CCDC180: variants seen among roughly 807,000 people sequenced by gnomAD.
CCDC180 encodes the protein coiled-coil domain containing 180.
CCDC180 carries 154 observed loss-of-function variants against 209.2 expected under a neutral mutation model. The ratio of observed to expected loss-of-function variants is 0.74; its 90% CI spans 0.65 to 0.84. The LOEUF (loss-of-function observed/expected upper bound fraction) is 0.84, where lower values mean the gene tolerates loss of function less well. Among genes scored for constraint, CCDC180 ranks in the 40% least tolerant of loss-of-function variants. The pLI is 0.00. For synonymous variants in CCDC180, 778 were observed against 749.1 expected, an observed-to-expected ratio of 1.04 and a Z score of -0.63; for missense variants, 1,874 against 1,997.3, an observed-to-expected ratio of 0.94 and a Z score of 1.18.
intron 34 of CCDC180, chr9:97,373,466 C>T (rs897768374): frequency 1.3e-5 from 2 of 152,222 alleles, no homozygotes; most frequent in African/African-American, 4.8e-5. Flanking sequence ...CAGGCCTTTC[C>T]CTTTGGGCAC....
chr9:97,375,933 G>C (rs73563893), intron 36 of CCDC180: 1 of 279,030 alleles, frequency 3.6e-6, no homozygotes, highest in Non-Finnish European at 6.8e-6. Flanking sequence ...GCTCAGGGGG[G>C]ACACAGCAGC....
chr9:97,320,128 A>T lies in CCDC180; in HGVS notation c.1082A>T (p.Asp361Val). Residue 361 changes from aspartate (D) to valine (V), a missense_variant and splice_region_variant, in exon 11 of 37, where the codon GAC (aspartate) becomes GTC (valine). Physicochemically the swap from Asp to Val is radical, Grantham distance 152 (BLOSUM62 -3). Transcript: ENST00000529487. ...RRLKHLCTIC[D>V]LLPPSYSKTQ... ...ACTTGCTGTATCTTCCTTCCCAGTG[A>T]CCTCCTGCCCCCCAGTTACAGCAAA... 6.2e-7 allele frequency: 1 copy of T among 1,613,686 alleles called. No individual in the cohort carries two copies. The highest frequency in any genetic ancestry group is 8.5e-7 in the Non-Finnish European group (1 of 1,179,852).
chr9:97,362,675 G>A (rs116571007), intron 28 of CCDC180, among the ~76,000 whole-genome samples: 321 of 152,278 alleles, frequency 2.1e-3, no homozygotes, highest in African/African-American at 7.3e-3. Context: ...TTAGAAAGAC[G>A]GGGCAGATGG....
At chr9:97,337,919 CTA>C (rs1825959353) in intron 18 of CCDC180, among the ~76,000 whole-genome samples, 1 of 152,190 alleles carries the variant, frequency 6.6e-6, no homozygotes, top group Non-Finnish European at 1.5e-5. Context: ...AGGAATTTAT[CTA>C]TTTCTTCTAG....
chr9:97,357,697 C>G lies in CCDC180; in HGVS notation c.3335C>G (p.Thr1112Ser). ...CAACAGCTTCAGAACAAGATAAAAA[C>G]TTGTCAAGAGTCCAGGGGAGAGAAA... is the stretch of plus-strand genomic sequence containing the variant. ...SLQQLQNKIK[T>S]CQESRGEKTT... The change falls in exon 25 of 37, where the codon ACT (threonine) becomes AGT (serine). Residue 1112 changes from threonine (T) to serine (S), a missense_variant. Transcript: ENST00000529487. 1.2e-6 allele frequency: 2 copies of G among 1,613,188 alleles called. No homozygotes were observed. Among genetic ancestry groups the G allele is most frequent in the African/African-American group, 1.3e-5 (1 of 74,992 alleles).
chr9:97,360,734 C>T (rs1826727563), intron 26 of CCDC180, among the ~76,000 whole-genome samples: 1 of 152,162 alleles, frequency 6.6e-6, no homozygotes. Context: ...GTCTCCCGGC[C>T]CATAGCACCT....
intron 8 of CCDC180, among the ~76,000 whole-genome samples, chr9:97,315,663 G>A (rs1833146076): frequency 6.6e-6 from 1 of 152,210 alleles, no homozygotes; most frequent in Non-Finnish European, 1.5e-5. Context: ...GCTGGAAAAG[G>A]GGCCTCCTGG....
chr9:97,307,340 T>A, upstream of CCDC180: 1 of 474,516 alleles, frequency 2.1e-6, no homozygotes, highest in Non-Finnish European at 4.2e-6. Context: ...CAGCTGCAGT[T>A]GTCGCTGGAC....
chr9:97,356,960 GC>G lies in CCDC180; in HGVS notation c.3265-666del, dbSNP rs1457408050. Among the ~76,000 whole-genome samples the G allele has an allele frequency of 2.0e-5, 3 of 152,328 alleles. No homozygotes were observed. In the East Asian group the frequency reaches 5.8e-4, roughly 29 times the overall value. ...TTTGCTATTTATACCAGTTTTATAA[GC>G]TGTATAATCTTTAAATATTCTGCAA... On this transcript the variant is annotated intron_variant, in intron 24 of 36. Transcript: ENST00000529487.
intron 18 of CCDC180, among the ~76,000 whole-genome samples, chr9:97,342,693 CCTT>C (rs1443947177): frequency 6.6e-6 from 1 of 152,198 alleles, no homozygotes; most frequent in Non-Finnish European, 1.5e-5. Flanking sequence ...GGTTCTCTCT[CCTT>C]CTCAATTCCT....
chr9:97,367,468 T>A lies in CCDC180; in HGVS notation c.4189+768T>A, dbSNP rs563607533. Among the ~76,000 whole-genome samples, 40 of 147,902 alleles carry A rather than the reference T, an allele frequency of 2.7e-4. 1 individual carries two copies. Among genetic ancestry groups the A allele is most frequent in the Admixed American group, 2.0e-3 (30 of 14,866 alleles). On this transcript the variant is annotated intron_variant, in intron 31 of 36. Coordinates refer to ENST00000529487, the MANE Select transcript of CCDC180 (RefSeq NM_020893.6). ...ACCTCTCTGAGCCTCAGTTTTCTAT[T>A]TTTTTTTTTTTTTTCTGAGACAGAG...
At chr9:97,337,432 T>C (rs1825942307) in intron 18 of CCDC180, among the ~76,000 whole-genome samples, 1 of 152,230 alleles carries the variant, frequency 6.6e-6, no homozygotes, top group South Asian at 2.1e-4. Context: ...ATGTGGGTTT[T>C]GTCTTTGGTT....
rs1405835206 is a variant in CCDC180 at position 97,323,777 on chromosome 9, C to A, written c.1249-4C>A. On this transcript the variant is annotated splice_polypyrimidine_tract_variant and splice_region_variant and intron_variant, in intron 12 of 36. Transcript: ENST00000529487. Reference sequence around the variant, plus strand: ...CAGGCTCTGCCTTGTCCCACACACTCCAGAAGCAGCTGCTGGACTGGAAAG... The same window carrying A: ...CAGGCTCTGCCTTGTCCCACACACTACAGAAGCAGCTGCTGGACTGGAAAG... The A allele has an allele frequency of 6.4e-7, 1 of 1,557,732 alleles. No individual in the cohort carries two copies. The highest frequency in any genetic ancestry group is 8.7e-7 in the Non-Finnish European group (1 of 1,149,976).
intron 10 of CCDC180, among the ~76,000 whole-genome samples, chr9:97,319,120 G>A (rs1475866614): frequency 6.6e-6 from 1 of 152,130 alleles, no homozygotes; most frequent in Non-Finnish European, 1.5e-5. Flanking sequence ...AGAGAGCTGG[G>A]AGTTGGCCTG....
At chr9:97,356,890 A>G (rs763265578) in intron 24 of CCDC180, among the ~76,000 whole-genome samples, 7 of 152,174 alleles carry the variant, frequency 4.6e-5, no homozygotes, top group Non-Finnish European at 1.0e-4. Context: ...TTTTTTGAGT[A>G]TTTTTCCTAT....
chr9:97,370,789 C>G lies in CCDC180; in HGVS notation c.4488+11C>G, dbSNP rs904401307. 2 of 1,613,088 alleles carry G rather than the reference C, an allele frequency of 1.2e-6. No homozygotes were observed. The highest frequency in any genetic ancestry group is 1.7e-6 in the Non-Finnish European group (2 of 1,179,590). On this transcript the variant is annotated intron_variant, in intron 33 of 36. Coordinates refer to ENST00000529487, the MANE Select transcript of CCDC180 (RefSeq NM_020893.6). ...AAGGAGAAGCTGGAGGTCAGTGATA[C>G]CATTGATTCGCCAGTCCAGGCATGC...
In CCDC180 at chr9:97,349,112, C is replaced by T. The variant is rs777585770; in HGVS notation, c.2676C>T (p.Ala892=). 79 of 1,534,264 alleles carry T rather than the reference C, an allele frequency of 5.1e-5. 1 individual carries two copies. Among genetic ancestry groups the T allele is most frequent in the Admixed American group, 4.2e-4 (21 of 50,560 alleles). Residue 892 remains alanine, a splice_region_variant and synonymous_variant, in exon 21 of 37, where the codon GCC becomes GCT. Transcript: ENST00000529487. ...CCAGCTCTCTTAATCCTTTTTCAGCCGAGCTTTTGCTTCATCAAGAGCAGT... is the reference window on the plus strand; with the variant it reads ...CCAGCTCTCTTAATCCTTTTTCAGCTGAGCTTTTGCTTCATCAAGAGCAGT... ...IEKDIHNVRA[A]ELLLHQEQLD...
chr9:97,345,425 A>G (rs750593230), intron 19 of CCDC180, among the ~76,000 whole-genome samples: 250 of 152,250 alleles, frequency 1.6e-3, no homozygotes, highest in African/African-American at 5.8e-3. Flanking sequence ...GTGGTGTTTC[A>G]TTGTGGTTTT....
At chr9:97,343,257 C>G in intron 18 of CCDC180, 83 bp from the exon 19 acceptor site, 1 of 927,966 alleles carries the variant, frequency 1.1e-6, no homozygotes, top group Non-Finnish European at 1.6e-6. Flanking sequence ...GGTTTACAAC[C>G]TCTGATATCA....
Sources: allele counts gnomAD v4.1 joint callset (sites outside exome capture counted in the v4.1 genomes callset), GRCh38; gene constraint gnomAD v4.1.1; transcripts MANE v1.5; gene names NCBI Gene and HGNC (gene_info 2026-07-23, HGNC 2026-07-21).